The following TRHDE variants were observed in gnomAD, a reference collection of about 807,000 sequenced individuals.
TRHDE encodes the protein thyrotropin releasing hormone degrading enzyme.
A neutral mutation model predicts 125.7 loss-of-function variants in TRHDE; 72 were observed. The ratio of observed to expected loss-of-function variants is 0.57; its 90% CI spans 0.47 to 0.70. The LOEUF is 0.70. Ranked by LOEUF, TRHDE falls within the 30% of genes least tolerant of loss-of-function variation. The pLI is 0.00. For missense variants in TRHDE, 1,110 were observed against 1,327.1 expected, an observed-to-expected ratio of 0.84 and a Z score of 2.54; for synonymous variants, 509 against 509.1, an observed-to-expected ratio of 1.00 and a Z score of 0.00.
intron 2 of TRHDE, among the ~76,000 whole-genome samples, chr12:72,337,596 C>T (rs1256730621): frequency 3.3e-5 from 5 of 151,964 alleles, no homozygotes; most frequent in African/African-American, 1.2e-4. Flanking sequence ...AATTTAGTTT[C>T]CCTGAGTGTG....
At position 72,619,054 on chromosome 12, in the gene TRHDE, T is replaced by C. The variant is rs749028228; in HGVS notation, c.2469+16T>C. 5.2e-6 allele frequency: 8 copies of C among 1,524,078 alleles called. No individual in the cohort carries two copies. The highest frequency in any genetic ancestry group is 6.2e-6 in the Non-Finnish European group (7 of 1,136,550). The allele number at this position is 1,524,078 out of a possible 1,614,324, so 94.4% of individuals were successfully genotyped here. On this transcript the variant is annotated intron_variant, in intron 13 of 18. Coordinates refer to ENST00000261180, the MANE Select transcript of TRHDE (RefSeq NM_013381.3). The stretch of plus-strand genomic sequence containing the variant: ...CATTTTCAATGTAAAAAGATATAAT[T>C]TTTCTTTCTAATTTTTAGAAGATAC...
intron 3 of TRHDE, among the ~76,000 whole-genome samples, chr12:72,385,185 T>C (rs1319750572): frequency 1.3e-5 from 2 of 152,058 alleles, no homozygotes; most frequent in East Asian, 3.8e-4. Flanking sequence ...GGTAGTTTGG[T>C]CTAATTTTAT....
chr12:72,180,504 A>C (rs569093659), intron 2 of TRHDE, among the ~76,000 whole-genome samples: 2 of 151,944 alleles, frequency 1.3e-5, no homozygotes, highest in African/African-American at 4.8e-5. Flanking sequence ...CCTTTTTCTT[A>C]TATGTTTCTC....
chr12:72,639,092 CAG>C (rs1369116598), intron 15 of TRHDE, among the ~76,000 whole-genome samples: 16 of 150,890 alleles, frequency 1.1e-4, no homozygotes, highest in Non-Finnish European at 2.4e-4. Context: ...TAATATCCTG[CAG>C]AGTGTTTTCC....
intron 2 of TRHDE, among the ~76,000 whole-genome samples, chr12:72,210,533 TA>T (rs1168671922): frequency 2.0e-5 from 3 of 152,216 alleles, no homozygotes; most frequent in Non-Finnish European, 4.4e-5. Flanking sequence ...ATAATATTTT[TA>T]AAAAGAGAAA....
Position 72,666,371 on chromosome 12 carries a change from G to A in TRHDE, c.*3176G>A, listed in dbSNP as rs139826634. 2.0e-5 allele frequency: 3 copies of A among 152,056 alleles called. No individual in the cohort carries two copies. The highest frequency in any genetic ancestry group is 7.2e-5 in the African/African-American group (3 of 41,496). The allele number at this position is 152,056 out of a possible 1,614,324, so 9.4% of individuals were successfully genotyped here. On this transcript the variant is annotated 3_prime_UTR_variant, in exon 19 of 19. Transcript: ENST00000261180. ...TTGAGACCAGTCTGGGAAACATATT[G>A]AGGCCCCATTTCTATAAAAATAAAA...
chr12:72,300,375 C>CACAT (rs1555174441), intron 2 of TRHDE, among the ~76,000 whole-genome samples: 91,099 of 149,770 alleles, frequency 0.61, 28,152 homozygotes, highest in East Asian at 0.73. Flanking sequence ...TACACACACA[C>CACAT]ACACACACAC....
intron 3 of TRHDE, among the ~76,000 whole-genome samples, chr12:72,464,448 G>A (rs1269878238): frequency 6.6e-6 from 1 of 152,028 alleles, no homozygotes; most frequent in Non-Finnish European, 1.5e-5. Context: ...TCTCCGGAGG[G>A]GATGAATGTT....
chr12:72,336,345 A>G (rs930104051), intron 2 of TRHDE, among the ~76,000 whole-genome samples: 7 of 152,328 alleles, frequency 4.6e-5, no homozygotes, highest in Middle Eastern at 6.8e-3. Context: ...CATATTATCT[A>G]TGAATGAAAA....
At chr12:72,122,845 AT>A (rs1379258317) in intron 2 of TRHDE, among the ~76,000 whole-genome samples, 1 of 152,114 alleles carries the variant, frequency 6.6e-6, no homozygotes, top group East Asian at 1.9e-4. Context: ...TTTTTAAAAA[AT>A]ATATTTAAAT....
intron 2 of TRHDE, among the ~76,000 whole-genome samples, chr12:72,208,855 T>A (rs1204584144): frequency 6.6e-6 from 1 of 152,212 alleles, no homozygotes; most frequent in Non-Finnish European, 1.5e-5. Context: ...TCAACATTTC[T>A]GAATCCGGAG....
chr12:72,240,926 C>T (rs2139380938), intron 2 of TRHDE, among the ~76,000 whole-genome samples: 1 of 152,190 alleles, frequency 6.6e-6, no homozygotes, highest in South Asian at 2.1e-4. Flanking sequence ...TTTTTTCACA[C>T]ATCTCGATTC....
chr12:72,276,173 T>C (rs1263057556), intron 1 of TRHDE, among the ~76,000 whole-genome samples: 1 of 152,184 alleles, frequency 6.6e-6, no homozygotes, highest in African/African-American at 2.4e-5. Flanking sequence ...TCAGCTAGGG[T>C]TGGACTTTTA....
At chr12:72,322,001 G>A (rs1869118781) in intron 2 of TRHDE, among the ~76,000 whole-genome samples, 1 of 151,986 alleles carries the variant, frequency 6.6e-6, no homozygotes, top group Non-Finnish European at 1.5e-5. Context: ...AGAGAAAATA[G>A]GACACAGTTT....
chr12:72,111,303 C>T (rs1443367813), intron 2 of TRHDE, among the ~76,000 whole-genome samples: 1 of 151,966 alleles, frequency 6.6e-6, no homozygotes, highest in Non-Finnish European at 1.5e-5. Context: ...TTTGACAGCC[C>T]CTGGTGATAA....
intron 15 of TRHDE, among the ~76,000 whole-genome samples, chr12:72,633,036 C>T (rs1436212264): frequency 6.6e-6 from 1 of 151,934 alleles, no homozygotes; most frequent in Non-Finnish European, 1.5e-5. Flanking sequence ...TTCTGACTAT[C>T]CAATTTTATT....
intron 2 of TRHDE, among the ~76,000 whole-genome samples, chr12:72,131,762 A>G (rs544648615): frequency 1.6e-4 from 25 of 152,192 alleles, no homozygotes; most frequent in Non-Finnish European, 3.4e-4. Flanking sequence ...TTCTTTGTGT[A>G]AAGGATAAAA....
intron 2 of TRHDE, among the ~76,000 whole-genome samples, chr12:72,128,085 T>C (rs536696185): frequency 1.2e-4 from 18 of 152,214 alleles, no homozygotes; most frequent in African/African-American, 4.1e-4. Context: ...TCAGAGCATA[T>C]GTATGAAGGA....
At chr12:72,565,378 A>G (rs765009585) in intron 9 of TRHDE, among the ~76,000 whole-genome samples, 6 of 152,212 alleles carry the variant, frequency 3.9e-5, no homozygotes, top group Non-Finnish European at 8.8e-5. Flanking sequence ...TTATATTTTT[A>G]TATGTAATAG....
Sources: allele counts gnomAD v4.1 joint callset (sites outside exome capture counted in the v4.1 genomes callset), GRCh38; gene constraint gnomAD v4.1.1; transcripts MANE v1.5; gene names NCBI Gene and HGNC (gene_info 2026-07-23, HGNC 2026-07-21).